The following PLCL1 variants were observed in gnomAD, a reference collection of about 807,000 sequenced individuals.
PLCL1 encodes inactive phospholipase C-like protein 1.
PLCL1 carries 41 observed loss-of-function variants against 84.4 expected under a neutral mutation model. The ratio of observed to expected loss-of-function variants is 0.49; its 90% CI spans 0.38 to 0.63. The LOEUF is 0.63. PLCL1 is among the 30% of genes least tolerant of loss of function. PLCL1 has a pLI of 0.00. For missense variants in PLCL1, 1,206 were observed against 1,367.8 expected, an observed-to-expected ratio of 0.88 and a Z score of 1.87; for synonymous variants, 490 against 488.3, an observed-to-expected ratio of 1.00 and a Z score of -0.05.
intron 1 of PLCL1, among the ~76,000 whole-genome samples, chr2:197,835,685 A>C (rs1312134320): frequency 6.6e-6 from 1 of 152,226 alleles, no homozygotes; most frequent in African/African-American, 2.4e-5. Context: ...TTCGCCTCTA[A>C]AATGGGACTA....
At chr2:198,053,563 A>G (rs1691991759) in intron 1 of PLCL1, among the ~76,000 whole-genome samples, 1 of 152,142 alleles carries the variant, frequency 6.6e-6, no homozygotes, top group Non-Finnish European at 1.5e-5. Flanking sequence ...TAGCTCTTTT[A>G]GCAGTGATGT....
At chr2:198,101,495 ATACTT>A (rs1256733682) in intron 4 of PLCL1, 135 bp downstream of exon 4, 17 of 605,098 alleles carry the variant, frequency 2.8e-5, no homozygotes, top group Non-Finnish European at 3.2e-5. Flanking sequence ...ATGCTTAACT[ATACTT>A]TAAGTTACAC....
At position 198,084,649 on chromosome 2, in the gene PLCL1, A is replaced by G; in HGVS notation, c.1132A>G (p.Thr378Ala). 1.9e-6 allele frequency: 3 copies of G among 1,614,066 alleles called. No homozygotes were observed. Among genetic ancestry groups the G allele is most frequent in the Non-Finnish European group, 2.5e-6 (3 of 1,179,966 alleles). The stretch of plus-strand genomic sequence containing the variant: ...AGGGTTTCTTGCAATTGATGGCTTT[A>G]CCCAGTATTTATTGTCATCAGAATG... ...QKGFLAIDGF[T>A]QYLLSSECDI... is the part of the protein sequence containing the mutation. Residue 378 changes from threonine (T) to alanine (A), a missense_variant, in exon 2 of 6, where the codon ACC becomes GCC. Coordinates refer to ENST00000428675, the MANE Select transcript of PLCL1 (RefSeq NM_006226.4).
At chr2:197,978,851 T>A (rs1450052322) in intron 1 of PLCL1, among the ~76,000 whole-genome samples, 1 of 152,186 alleles carries the variant, frequency 6.6e-6, no homozygotes, top group Non-Finnish European at 1.5e-5. Context: ...TGCACGTTTT[T>A]GGGATGTGGG....
intron 1 of PLCL1, among the ~76,000 whole-genome samples, chr2:198,060,461 T>C (rs1240925541): frequency 6.6e-6 from 1 of 152,208 alleles, no homozygotes; most frequent in Non-Finnish European, 1.5e-5. Flanking sequence ...AATGTACTGC[T>C]TGTTGAATTG....
At chr2:197,899,065 T>C (rs1688212732) in intron 1 of PLCL1, among the ~76,000 whole-genome samples, 1 of 152,198 alleles carries the variant, frequency 6.6e-6, no homozygotes, top group Admixed American at 6.5e-5. Context: ...GAGTGTCTAG[T>C]ATACAACTCA....
chr2:197,823,789 A>G (rs928575590), intron 1 of PLCL1, among the ~76,000 whole-genome samples: 3 of 37,562 alleles, frequency 8.0e-5, no homozygotes, highest in African/African-American at 6.3e-4. Flanking sequence ...TTGAGTTGAT[A>G]TAGTAAGTAG....
chr2:197,899,634 T>C (rs866245423), intron 1 of PLCL1, among the ~76,000 whole-genome samples: 3 of 75,862 alleles, frequency 4.0e-5, no homozygotes, highest in African/African-American at 1.7e-4. Flanking sequence ...ATGAGTTCTT[T>C]CTTTCTTTTT....
Position 198,148,222 on chromosome 2 carries a change from T to C in PLCL1, c.*1260T>C, listed in dbSNP as rs1311923188. ...ATATATTTATTTAAAGCATTGCTTT[T>C]ATTTTGAAAAGCTTCTTAATTAATT... On this transcript the variant is annotated 3_prime_UTR_variant, in exon 6 of 6. Coordinates refer to ENST00000428675, the MANE Select transcript of PLCL1 (RefSeq NM_006226.4). The C allele has an allele frequency of 6.6e-6, 1 of 152,362 alleles. No homozygotes were observed. The highest frequency in any genetic ancestry group is 1.9e-4 in the East Asian group (1 of 5,336). The allele number at this position is 152,362 out of a possible 1,614,324, so 9.4% of individuals were successfully genotyped here. A position where few individuals can be genotyped will look rare whatever the true frequency, so the allele number is the denominator to read the frequency against.
At chr2:197,826,452 T>C (rs1690930782) in intron 1 of PLCL1, among the ~76,000 whole-genome samples, 1 of 152,208 alleles carries the variant, frequency 6.6e-6, no homozygotes, top group African/African-American at 2.4e-5. Flanking sequence ...TGTGGACCTT[T>C]TCTCTTACTA....
chr2:197,829,508 ATTAAC>A (rs1253730197), intron 1 of PLCL1, among the ~76,000 whole-genome samples: 5 of 152,202 alleles, frequency 3.3e-5, no homozygotes, highest in African/African-American at 4.8e-5. Flanking sequence ...ATGTTAAGAA[ATTAAC>A]TTATTTAATA....
intron 1 of PLCL1, among the ~76,000 whole-genome samples, chr2:197,852,049 A>G (rs1236000228): frequency 6.6e-6 from 1 of 152,258 alleles, no homozygotes; most frequent in African/African-American, 2.4e-5. Flanking sequence ...TATGTATTTT[A>G]AAGCTGCAGC....
intron 1 of PLCL1, among the ~76,000 whole-genome samples, chr2:197,844,208 G>A (rs973513142): frequency 6.6e-6 from 1 of 152,080 alleles, no homozygotes; most frequent in African/African-American, 2.4e-5. Context: ...ACCCATCTGT[G>A]TAACCAGCAC....
chr2:198,000,261 T>C (rs1690570596), intron 1 of PLCL1, among the ~76,000 whole-genome samples: 1 of 152,144 alleles, frequency 6.6e-6, no homozygotes, highest in Non-Finnish European at 1.5e-5. Context: ...GTCTGCTTTG[T>C]TTGGACTTAT....
At chr2:198,133,428 A>G (rs1192128210) in intron 5 of PLCL1, among the ~76,000 whole-genome samples, 1 of 150,168 alleles carries the variant, frequency 6.7e-6, no homozygotes, top group African/African-American at 2.4e-5. Flanking sequence ...CTAAGGCTAG[A>G]TGACGAGTTA....
At chr2:197,962,638 A>G (rs976262236) in intron 1 of PLCL1, among the ~76,000 whole-genome samples, 4 of 152,040 alleles carry the variant, frequency 2.6e-5, no homozygotes, top group Admixed American at 2.0e-4. Flanking sequence ...TGTATAATAC[A>G]TTATTGTTCA....
At chr2:198,009,717 G>C (rs760455034) in intron 1 of PLCL1, among the ~76,000 whole-genome samples, 1 of 151,882 alleles carries the variant, frequency 6.6e-6, no homozygotes, top group African/African-American at 2.4e-5. Flanking sequence ...TATGCAAAAA[G>C]TGTCATTGGA....
At chr2:197,919,977 T>C (rs1688673673) in intron 1 of PLCL1, among the ~76,000 whole-genome samples, 1 of 152,176 alleles carries the variant, frequency 6.6e-6, no homozygotes, top group African/African-American at 2.4e-5. Context: ...TCTTTGTGCT[T>C]TGATTTCCTT....
chr2:197,914,332 A>ATT (rs111348712), intron 1 of PLCL1, among the ~76,000 whole-genome samples: 10 of 145,276 alleles, frequency 6.9e-5, no homozygotes, highest in African/African-American at 2.0e-4. Flanking sequence ...TTTTTATGTT[A>ATT]TTTTTTTTTT....
Sources: gnomAD v4.1 joint callset for allele counts (sites outside exome capture counted in the v4.1 genomes callset) on GRCh38, gnomAD v4.1.1 for gene constraint, MANE v1.5 for transcripts, NCBI Gene and HGNC (gene_info 2026-07-23, HGNC 2026-07-21) for gene names.